The following NLGN1 variants were observed in gnomAD, a reference collection of about 807,000 sequenced individuals.
NLGN1 encodes neuroligin 1.
A neutral mutation model predicts 65.5 loss-of-function variants in NLGN1; 12 were observed. That is an observed-to-expected ratio of 0.18 (90% CI 0.12 to 0.30). NLGN1 has a LOEUF of 0.30. Ranked by LOEUF, NLGN1 falls within the 10% of genes least tolerant of loss-of-function variation. NLGN1 has a pLI of 1.00. For synonymous variants in NLGN1, 350 were observed against 359.5 expected (o/e 0.97, Z 0.30); for missense variants, 750 against 1,007.1 (o/e 0.74, Z 3.46).
intron 4 of NLGN1, among the ~76,000 whole-genome samples, chr3:174,187,007 T>C (rs563827796): frequency 6.6e-6 from 1 of 152,168 alleles, no homozygotes; most frequent in East Asian, 1.9e-4. Flanking sequence ...ATATAACCTA[T>C]ACACATCCTG....
chr3:174,250,109 CT>C (rs140360199), intron 4 of NLGN1, among the ~76,000 whole-genome samples: 18,658 of 151,954 alleles, frequency 0.12, 1,992 homozygotes, highest in African/African-American at 0.28. Flanking sequence ...TAAGTGCACA[CT>C]TTTTTTTCAG....
chr3:173,788,630 G>A (rs960337496), intron 3 of NLGN1, among the ~76,000 whole-genome samples: 2 of 151,890 alleles, frequency 1.3e-5, no homozygotes, highest in Admixed American at 1.3e-4. Context: ...CTAACAGCAG[G>A]TAGAGTGGTG....
chr3:173,690,188 G>A (rs1765263835), intron 3 of NLGN1, among the ~76,000 whole-genome samples: 1 of 152,138 alleles, frequency 6.6e-6, no homozygotes, highest in Non-Finnish European at 1.5e-5. Context: ...TCTTGGCGTG[G>A]ATTCAGGTTA....
chr3:174,241,124 A>G (rs1435255780), intron 4 of NLGN1, among the ~76,000 whole-genome samples: 1 of 152,170 alleles, frequency 6.6e-6, no homozygotes, highest in Non-Finnish European at 1.5e-5. Context: ...TTTGAACCCT[A>G]CATTTTTATT....
intron 3 of NLGN1, among the ~76,000 whole-genome samples, chr3:173,784,812 C>A (rs1319525260): frequency 6.6e-6 from 1 of 152,146 alleles, no homozygotes; most frequent in Non-Finnish European, 1.5e-5. Flanking sequence ...ATTTTAGAAG[C>A]ACACATCTGG....
At chr3:173,915,154 G>A (rs2152239554) in intron 4 of NLGN1, among the ~76,000 whole-genome samples, 1 of 152,344 alleles carries the variant, frequency 6.6e-6, no homozygotes, top group South Asian at 2.1e-4. Flanking sequence ...TCTATTTCAT[G>A]ATTATGGATT....
At chr3:173,752,867 T>G (rs1340581688) in intron 3 of NLGN1, among the ~76,000 whole-genome samples, 1 of 152,140 alleles carries the variant, frequency 6.6e-6, no homozygotes, top group East Asian at 1.9e-4. Context: ...CTGTTTACTT[T>G]GCTTCCCAAT....
At chr3:173,440,929 G>A (rs1719065461) in intron 2 of NLGN1, among the ~76,000 whole-genome samples, 1 of 152,250 alleles carries the variant, frequency 6.6e-6, no homozygotes, top group South Asian at 2.1e-4. Context: ...CTAATAGAAG[G>A]CTGTTTCACT....
At chr3:174,164,464 C>G (rs562589993) in intron 4 of NLGN1, among the ~76,000 whole-genome samples, 1 of 151,508 alleles carries the variant, frequency 6.6e-6, no homozygotes, top group East Asian at 1.9e-4. Flanking sequence ...CTTTGTTGCG[C>G]TTTTTCTTCT....
intron 4 of NLGN1, among the ~76,000 whole-genome samples, chr3:174,051,360 A>G (rs1211248799): frequency 6.6e-6 from 1 of 152,066 alleles, no homozygotes; most frequent in East Asian, 1.9e-4. Context: ...AAAGGTTGCC[A>G]AGTCCTGGAT....
At chr3:173,418,037 T>C (rs1388193655) in intron 1 of NLGN1, among the ~76,000 whole-genome samples, 2 of 151,326 alleles carry the variant, frequency 1.3e-5, no homozygotes, top group African/African-American at 4.8e-5. Context: ...TTCTCTTTCT[T>C]TTTATTTGTT....
chr3:174,015,320 T>G (rs1726332272), intron 4 of NLGN1, among the ~76,000 whole-genome samples: 1 of 152,162 alleles, frequency 6.6e-6, no homozygotes, highest in South Asian at 2.1e-4. Flanking sequence ...TCTGGATACT[T>G]GAACTCTGAG....
At chr3:173,766,804 A>G (rs1778845770) in intron 3 of NLGN1, among the ~76,000 whole-genome samples, 1 of 152,206 alleles carries the variant, frequency 6.6e-6, no homozygotes, top group African/African-American at 2.4e-5. Flanking sequence ...TTTTATAAGA[A>G]TACGTTTTTA....
intron 3 of NLGN1, among the ~76,000 whole-genome samples, chr3:173,798,777 T>C (rs1714745504): frequency 1.3e-5 from 2 of 152,050 alleles, no homozygotes; most frequent in South Asian, 4.1e-4. Flanking sequence ...AGTCAATGGG[T>C]TACTTCAATT....
rs939046951 is a variant in NLGN1, at chr3:174,166,702, G to A, written c.647-108613G>A. ...CTGTAGATTTCTATTATGTCTAGTT[G>A]GTCACATTTCAAGTTGAAGTCCAGA... On this transcript the variant is annotated intron_variant, in intron 4 of 6. Transcript: ENST00000457714. 2.0e-5 allele frequency among the ~76,000 whole-genome samples: 3 copies of A among 151,964 alleles called. No homozygotes were observed. The East Asian group carries it at 5.8e-4, about 29-fold the overall frequency.
chr3:174,221,073 C>T (rs894325482), intron 4 of NLGN1, among the ~76,000 whole-genome samples: 30 of 152,184 alleles, frequency 2.0e-4, no homozygotes, highest in African/African-American at 7.2e-4. Flanking sequence ...ATCGGCACTG[C>T]AGCACAGCAG....
intron 2 of NLGN1, among the ~76,000 whole-genome samples, chr3:173,549,635 A>G (rs938156758): frequency 3.9e-5 from 6 of 152,082 alleles, no homozygotes; most frequent in African/African-American, 1.4e-4. Flanking sequence ...TAATTTATTT[A>G]CAGGAGGGAT....
chr3:173,477,141 T>C (rs1182739696), intron 2 of NLGN1, among the ~76,000 whole-genome samples: 1 of 152,108 alleles, frequency 6.6e-6, no homozygotes, highest in African/African-American at 2.4e-5. Flanking sequence ...TGGGATGTCA[T>C]TTCTAGTAAC....
In NLGN1 at chr3:173,589,492, C is replaced by A. The variant is rs141536170; in HGVS notation, c.-320-14787C>A. On this transcript the variant is annotated intron_variant, in intron 2 of 6. Transcript: ENST00000457714. The stretch of plus-strand genomic sequence containing the variant: ...GAAAATAAATAGACTAATGTGTTTG[C>A]TTGCTTACTTTTATTTATTTATTTG... Among the ~76,000 whole-genome samples the A allele has an allele frequency of 4.7e-4, 72 of 152,134 alleles. 2 individuals are homozygous for A. In the East Asian group the frequency reaches 0.012, roughly 26 times the overall value.
Sources: gnomAD v4.1 joint callset for allele counts (sites outside exome capture counted in the v4.1 genomes callset) on GRCh38, gnomAD v4.1.1 for gene constraint, MANE v1.5 for transcripts, NCBI Gene and HGNC (gene_info 2026-07-23, HGNC 2026-07-21) for gene names.